DIAPH2: variants seen among roughly 807,000 people sequenced by gnomAD.
The protein encoded by DIAPH2 is protein diaphanous homolog 2.
A neutral mutation model predicts 92.7 loss-of-function variants in DIAPH2; 35 were observed. The ratio of observed to expected loss-of-function variants is 0.38; its 90% CI spans 0.29 to 0.50. DIAPH2 has a LOEUF of 0.50. Ranked by LOEUF, DIAPH2 falls within the 20% of genes least tolerant of loss-of-function variation. The probability of loss-of-function intolerance (pLI) is 0.94; values close to 1 mark genes in which losing one functional copy is unlikely to be tolerated. For synonymous variants in DIAPH2, 301 were observed against 280.4 expected (o/e 1.07, Z -0.73); for missense variants, 701 against 819.5 (o/e 0.86, Z 1.77).
At chrX:97,075,138 A>G (rs1569295218) in intron 18 of DIAPH2, 29 bp from the exon 19 acceptor site, 1 of 1,000,322 alleles carries the variant, frequency 1.0e-6, no homozygotes, top group Non-Finnish European at 1.4e-6. Context: ...ATGCTGTTAT[A>G]CTTTTAATAA....
chrX:97,522,186 T>C, intron 26 of DIAPH2, among the ~76,000 whole-genome samples: 1 of 112,399 alleles, frequency 8.9e-6, no homozygotes, highest in Middle Eastern at 4.2e-3. Flanking sequence ...TACCATAATA[T>C]AGATTTGCTG....
intron 26 of DIAPH2, among the ~76,000 whole-genome samples, chrX:97,509,875 A>C (rs2070872532): frequency 9.0e-6 from 1 of 110,505 alleles, no homozygotes; most frequent in Non-Finnish European, 1.9e-5. Context: ...TCCATGGTGT[A>C]TATGTGCCAC....
rs189391267 is a variant in DIAPH2 at position 97,152,613 on chromosome X, C to A, written c.2719+10819C>A. Among the ~76,000 whole-genome samples the A allele has an allele frequency of 5.5e-5, 6 of 110,033 alleles. No homozygotes were observed. The East Asian group carries it at 1.7e-3, about 32-fold the overall frequency. The stretch of plus-strand genomic sequence containing the variant: ...CGGAAGGGTGGAGGGGTAGAAGGGT[C>A]AATGAGCATGGATGAGAGAGAAACA... On this transcript the variant is annotated intron_variant, in intron 22 of 26. Coordinates refer to ENST00000324765, the MANE Select transcript of DIAPH2 (RefSeq NM_006729.5).
chrX:97,370,407 A>T (rs1430093007), intron 24 of DIAPH2, among the ~76,000 whole-genome samples: 1 of 111,934 alleles, frequency 8.9e-6, no homozygotes, highest in East Asian at 2.8e-4. Flanking sequence ...AGCAGGTAGC[A>T]TGCAGACAAG....
At chrX:97,256,403 C>T (rs2068236626) in intron 23 of DIAPH2, among the ~76,000 whole-genome samples, 1 of 111,935 alleles carries the variant, frequency 8.9e-6, no homozygotes, top group African/African-American at 3.2e-5. Flanking sequence ...TTATGAAACA[C>T]GTGGTATCTT....
At chrX:97,456,963 C>T (rs1465460673) in intron 26 of DIAPH2, among the ~76,000 whole-genome samples, 1 of 111,978 alleles carries the variant, frequency 8.9e-6, no homozygotes, top group Non-Finnish European at 1.9e-5. Context: ...TAACAAATAT[C>T]TATTTAGTGT....
chrX:97,472,310 A>G (rs1248164463), intron 26 of DIAPH2, among the ~76,000 whole-genome samples: 1 of 112,327 alleles, frequency 8.9e-6, no homozygotes, highest in South Asian at 3.7e-4. Context: ...ATAGTAATTT[A>G]CCTCATTGCT....
intron 22 of DIAPH2, among the ~76,000 whole-genome samples, chrX:97,207,416 G>A (rs775679280): frequency 3.6e-5 from 4 of 111,281 alleles, no homozygotes; most frequent in Non-Finnish European, 7.5e-5. Flanking sequence ...CAAGAATGGC[G>A]ATGATGATGA....
At chrX:97,050,842 A>G (rs958364408) in intron 17 of DIAPH2, among the ~76,000 whole-genome samples, 1 of 111,620 alleles carries the variant, frequency 9.0e-6, no homozygotes, top group African/African-American at 3.2e-5. Flanking sequence ...CATTACTTTC[A>G]GAAATATTGC....
At chrX:96,758,390 A>T (rs983442061) in intron 4 of DIAPH2, 132 bp downstream of exon 4, 40 of 394,726 alleles carry the variant, frequency 1.0e-4, no homozygotes, top group Admixed American at 1.6e-4. Context: ...AAGACAATTT[A>T]TATATGTTAT....
chrX:96,746,188 C>T (rs938357733), intron 3 of DIAPH2, among the ~76,000 whole-genome samples: 5 of 111,959 alleles, frequency 4.5e-5, no homozygotes, highest in Admixed American at 9.5e-5. Context: ...GTATGAGCCA[C>T]GGCACCTGGC....
intron 23 of DIAPH2, among the ~76,000 whole-genome samples, chrX:97,292,742 T>C: frequency 9.0e-6 from 1 of 110,877 alleles, no homozygotes. Context: ...TAAAACTAGC[T>C]CATACAGCTC....
rs1402253700 is a variant in DIAPH2 at position 97,604,733 on chromosome X, G to T, written c.*5416G>T. The stretch of plus-strand genomic sequence containing the variant: ...CACAAAACTACCTCTGATACAGAAG[G>T]GTTCTTTACAAGCTTATTTTACATA... On this transcript the variant is annotated 3_prime_UTR_variant, in exon 27 of 27. Coordinates refer to ENST00000324765, the MANE Select transcript of DIAPH2 (RefSeq NM_006729.5). 1 of 112,040 alleles carries T rather than the reference G, an allele frequency of 8.9e-6. No homozygotes were observed. Among genetic ancestry groups the T allele is most frequent in the Non-Finnish European group, 1.9e-5 (1 of 53,149 alleles). The allele number at this position is 112,040 out of a possible 1,213,427, so 9.2% of individuals were successfully genotyped here.
At chrX:97,252,149 T>C (rs1024183051) in intron 23 of DIAPH2, among the ~76,000 whole-genome samples, 2 of 112,138 alleles carry the variant, frequency 1.8e-5, no homozygotes, top group Non-Finnish European at 3.8e-5. Flanking sequence ...TCGACCTTAC[T>C]GCTTATATCC....
At position 97,185,399 on chromosome X, in the gene DIAPH2, A is replaced by ATATATG. The variant is rs1569323133; in HGVS notation, c.2719+43610_2719+43611insGTATAT. Among the ~76,000 whole-genome samples, 7 of 49,098 alleles carry ATATATG rather than the reference A, an allele frequency of 1.4e-4. 1 individual carries two copies. The highest frequency in any genetic ancestry group is 1.0e-3 in the South Asian group (1 of 964). The allele number at this position is 49,098 out of a possible 115,157, so 42.6% of individuals were successfully genotyped here. ...TATATATGTATATATATATGTGTATATATATATATATGTATATATATATGT... is the reference window on the plus strand; with the variant it reads ...TATATATGTATATATATATGTGTATATATATGTATATATATATGTATATATATATGT... On this transcript the variant is annotated intron_variant, in intron 22 of 26. Transcript: ENST00000324765.
chrX:97,025,363 G>T (rs1448957274), intron 17 of DIAPH2, among the ~76,000 whole-genome samples: 3 of 93,846 alleles, frequency 3.2e-5, no homozygotes, highest in Non-Finnish European at 6.3e-5. Context: ...CACAAAAAAA[G>T]AGTTACAGCC....
intron 4 of DIAPH2, among the ~76,000 whole-genome samples, chrX:96,759,962 T>C (rs1315431841): frequency 9.0e-6 from 1 of 111,666 alleles, no homozygotes; most frequent in East Asian, 2.8e-4. Flanking sequence ...TTGAACTGCA[T>C]TATTCAAAAG....
intron 4 of DIAPH2, among the ~76,000 whole-genome samples, chrX:96,844,101 T>A (rs772198352): frequency 7.1e-5 from 8 of 112,467 alleles, no homozygotes; most frequent in South Asian, 3.7e-4. Context: ...CATCCAAATA[T>A]ACATTTTTCT....
chrX:96,970,349 T>TGTTG (rs1216974496), intron 17 of DIAPH2, among the ~76,000 whole-genome samples: 1 of 80,569 alleles, frequency 1.2e-5, no homozygotes, highest in Non-Finnish European at 2.6e-5. Flanking sequence ...TTCTGGGTGT[T>TGTTG]GTTGTTTGTT....
Sources: allele counts gnomAD v4.1 joint callset (sites outside exome capture counted in the v4.1 genomes callset), GRCh38; gene constraint gnomAD v4.1.1; transcripts MANE v1.5; gene names NCBI Gene and HGNC (gene_info 2026-07-23, HGNC 2026-07-21).